STAMBP: variants seen among roughly 807,000 people sequenced by gnomAD.
STAMBP encodes the protein STAM-binding protein.
Under a neutral mutation model 50.7 loss-of-function variants are expected in STAMBP, and 31 were observed. The ratio of observed to expected loss-of-function variants is 0.61; its 90% CI spans 0.46 to 0.83. The LOEUF (loss-of-function observed/expected upper bound fraction) is 0.83, where lower values mean the gene tolerates loss of function less well. Among genes scored for constraint, STAMBP ranks in the 40% least tolerant of loss-of-function variants. The pLI is 0.00. For missense variants in STAMBP, 472 were observed against 518.9 expected (o/e 0.91, Z 0.88); for synonymous variants, 211 against 192.4 (o/e 1.10, Z -0.80).
downstream of STAMBP, among the ~76,000 whole-genome samples, chr2:73,871,547 C>CAA (rs547524111): frequency 1.1e-5 from 1 of 89,126 alleles, no homozygotes; most frequent in Non-Finnish European, 2.5e-5. Context: ...GACTCCGTCT[C>CAA]AAAAAAAAAA....
intron 2 of STAMBP, among the ~76,000 whole-genome samples, chr2:73,833,565 T>G (rs1176586465): frequency 6.6e-6 from 1 of 152,154 alleles, no homozygotes; most frequent in Non-Finnish European, 1.5e-5. Context: ...GATTGTTCTC[T>G]CAGAATGAAA....
At chr2:73,834,225 AAAAAAAAAAAAAT>A (rs1674341273) in intron 2 of STAMBP, among the ~76,000 whole-genome samples, 1 of 24,634 alleles carries the variant, frequency 4.1e-5, no homozygotes, top group African/African-American at 1.2e-4. Context: ...AAAAAAAAAA[AAAAAAAAAAAAAT>A]ATATATATAT....
Position 73,847,523 on chromosome 2 carries a change from A to G in STAMBP, c.512A>G (p.Asn171Ser), listed in dbSNP as rs767594266. The change falls in exon 5 of 10, where the codon AAC (asparagine) becomes AGC (serine). Residue 171 changes from asparagine (N) to serine (S), a missense_variant. Physicochemically the swap from Asn to Ser is conservative, Grantham distance 46. Coordinates refer to ENST00000394070, the MANE Select transcript of STAMBP (RefSeq NM_213622.4). ...QFHAFEEMIR[N>S]QELEKERLKI... Reference sequence around the variant, plus strand: ...CATGCCTTCGAGGAGATGATCCGGAACCAGGAGCTAGAAAAAGAGCGACTG... The same window carrying G: ...CATGCCTTCGAGGAGATGATCCGGAGCCAGGAGCTAGAAAAAGAGCGACTG... The G allele has an allele frequency of 1.2e-6, 2 of 1,614,066 alleles. No individual in the cohort carries two copies. Among genetic ancestry groups the G allele is most frequent in the East Asian group, 4.5e-5 (2 of 44,902 alleles).
intron 2 of STAMBP, among the ~76,000 whole-genome samples, chr2:73,833,990 C>G (rs1352168947): frequency 6.6e-6 from 1 of 151,502 alleles, no homozygotes. Flanking sequence ...GTGGATGGAT[C>G]ACTTGAGGTC....
At chr2:73,854,397 G>A (rs1411713517) in intron 7 of STAMBP, among the ~76,000 whole-genome samples, 1 of 152,196 alleles carries the variant, frequency 6.6e-6, no homozygotes, top group Non-Finnish European at 1.5e-5. Context: ...ATGAATAAAA[G>A]AGTTTTAAGT....
chr2:73,838,587 A>C (rs563227719), intron 2 of STAMBP, among the ~76,000 whole-genome samples: 4 of 152,338 alleles, frequency 2.6e-5, no homozygotes, highest in Non-Finnish European at 5.9e-5. Flanking sequence ...CTCAGAAGTC[A>C]AGAGGGGATA....
Position 73,850,260 on chromosome 2 carries a change from C to CT in STAMBP, c.868-115dup. The stretch of plus-strand genomic sequence containing the variant: ...GAACCACTGAGTGGCAGGACTCCTG[C>CT]TGTGTGGGAAGGGCTTTCACTTGTA... On this transcript the variant is annotated intron_variant, in intron 6 of 9. Coordinates refer to ENST00000394070, the MANE Select transcript of STAMBP (RefSeq NM_213622.4). The surrounding 1 kb of genome is among the most constrained non-coding windows in gnomAD (Gnocchi z 4.3). 1 of 1,346,358 alleles carries CT rather than the reference C, an allele frequency of 7.4e-7. No individual in the cohort carries two copies. The highest frequency in any genetic ancestry group is 1.5e-5 in the South Asian group (1 of 66,012). 83.4% of individuals were successfully genotyped at this position (1,346,358 alleles called of 1,614,324 possible).
intron 7 of STAMBP, among the ~76,000 whole-genome samples, chr2:73,854,862 G>A (rs780936596): frequency 1.8e-4 from 28 of 152,128 alleles, no homozygotes; most frequent in African/African-American, 5.5e-4. Flanking sequence ...GGTGGCACAC[G>A]CCTGTGGTCC....
chr2:73,872,424 C>T (rs1406154674), intron 10 of STAMBP, among the ~76,000 whole-genome samples: 9 of 152,198 alleles, frequency 5.9e-5, no homozygotes, highest in South Asian at 2.1e-4. Context: ...AAAGGTGGGT[C>T]GCACATCCAG....
Position 73,845,201 on chromosome 2 carries a change from A to G in STAMBP, c.314A>G (p.Glu105Gly). 6.2e-7 allele frequency: 1 copy of G among 1,614,160 alleles called. No individual in the cohort carries two copies. Among genetic ancestry groups the G allele is most frequent in the Non-Finnish European group, 8.5e-7 (1 of 1,179,976 alleles). The change falls in exon 4 of 10, where the codon GAG (glutamate) becomes GGG (glycine). Residue 105 changes from glutamate (E) to glycine (G), a missense_variant. Transcript: ENST00000394070. ...LKEIAFPKAE[E>G]LKAELLKRYT... is the part of the protein sequence containing the mutation. The stretch of plus-strand genomic sequence containing the variant: ...GAGATTGCATTTCCCAAAGCAGAAG[A>G]GCTGAAGGCAGAGCTGTTAAAACGA...
downstream of STAMBP, among the ~76,000 whole-genome samples, chr2:73,872,099 G>A (rs1679222951): frequency 3.3e-5 from 5 of 152,142 alleles, no homozygotes; most frequent in South Asian, 1.0e-3. Context: ...TAGTTCAACA[G>A]TTTCAACACA....
chr2:73,855,779 G>T (rs952996883), intron 7 of STAMBP: 2 of 432,048 alleles, frequency 4.6e-6, no homozygotes, highest in Non-Finnish European at 9.3e-6. Context: ...AGATGAGGCT[G>T]CACATAAGAA....
Position 73,848,061 on chromosome 2 carries a change from G to A in STAMBP, c.742+308G>A, listed in dbSNP as rs1160723481. On this transcript the variant is annotated intron_variant, in intron 5 of 9. Coordinates refer to ENST00000394070, the MANE Select transcript of STAMBP (RefSeq NM_213622.4). ...TCATAATCCTCAGATAACATCATCA[G>A]ACTGCTGTGTGACTCTGTGTCCCCT... Among the ~76,000 whole-genome samples the A allele has an allele frequency of 2.6e-5, 4 of 152,148 alleles. No individual in the cohort carries two copies. The East Asian group carries it at 7.7e-4, about 29-fold the overall frequency.
rs546232786 is a variant in STAMBP, at chr2:73,866,863, A to G, written c.*4604A>G. ...GAGGGGAGGGAGATCAGTGGTGCCAACTGGCTCAGAAGAGGTTTGCTGGGT... is the reference window on the plus strand; with the variant it reads ...GAGGGGAGGGAGATCAGTGGTGCCAGCTGGCTCAGAAGAGGTTTGCTGGGT... On this transcript the variant is annotated 3_prime_UTR_variant, in exon 10 of 10. Transcript: ENST00000394070. The G allele has an allele frequency of 3.0e-4, 45 of 152,398 alleles. No individual in the cohort carries two copies. Among genetic ancestry groups the G allele is most frequent in the African/African-American group, 9.1e-4 (38 of 41,572 alleles). The allele number at this position is 152,398 out of a possible 1,614,324, so 9.4% of individuals were successfully genotyped here. A position where few individuals can be genotyped will look rare whatever the true frequency, so the allele number is the denominator to read the frequency against.
downstream of STAMBP, among the ~76,000 whole-genome samples, chr2:73,868,884 GAAAA>G (rs60251936): frequency 1.3e-5 from 2 of 149,936 alleles, no homozygotes; most frequent in African/African-American, 2.5e-5. Context: ...CTCAAAAAAA[GAAAA>G]AAAAAGAAAG....
Position 73,829,433 on chromosome 2 carries a change from A to C in STAMBP, c.-90A>C, listed in dbSNP as rs1573219573. The C allele has an allele frequency of 6.6e-6, 1 of 152,130 alleles. No individual in the cohort carries two copies. The highest frequency in any genetic ancestry group is 2.4e-5 in the African/African-American group (1 of 41,374). The allele number at this position is 152,130 out of a possible 1,614,324, so 9.4% of individuals were successfully genotyped here. ...CTGCATCCCCTTTTTGGAATTGCTC[A>C]ACCAGGTGGTAACCGGCGCCGCTTC... is the stretch of plus-strand genomic sequence containing the variant. On this transcript the variant is annotated 5_prime_UTR_variant, in exon 1 of 10. Transcript: ENST00000394070.
At chr2:73,829,779 A>C (rs1673675753) in intron 1 of STAMBP, among the ~76,000 whole-genome samples, 1 of 152,144 alleles carries the variant, frequency 6.6e-6, no homozygotes, top group African/African-American at 2.4e-5. Context: ...AGAGAAGACT[A>C]CCCCTGAGGG....
At chr2:73,870,911 G>A (rs1244739201), downstream of STAMBP, among the ~76,000 whole-genome samples, 1 of 152,050 alleles carries the variant, frequency 6.6e-6, no homozygotes, top group East Asian at 1.9e-4. Flanking sequence ...CCTTTCCCAT[G>A]TTGTAGGAGG....
chr2:73,845,068 T>C (rs1196706036), intron 3 of STAMBP, 99 bp from the exon 4 acceptor site: 35 of 1,565,048 alleles, frequency 2.2e-5, no homozygotes, highest in Non-Finnish European at 3.0e-5. Flanking sequence ...TTTAAATCAT[T>C]TTGGGAAATG....
Sources: allele counts gnomAD v4.1 joint callset (sites outside exome capture counted in the v4.1 genomes callset), GRCh38; gene constraint gnomAD v4.1.1; non-coding constraint Gnocchi (gnomAD v3.1); transcripts MANE v1.5; gene names NCBI Gene and HGNC (gene_info 2026-07-23, HGNC 2026-07-21).